The following GRIA3 variants were observed in gnomAD, a reference collection of about 807,000 sequenced individuals.
The protein encoded by GRIA3 is glutamate ionotropic receptor AMPA type subunit 3, also known as glutamate receptor 3.
GRIA3 carries 3 observed loss-of-function variants against 63.0 expected under a neutral mutation model. That is an observed-to-expected ratio of 0.05 (90% CI 0.02 to 0.12). GRIA3 has a LOEUF of 0.12. Ranked by LOEUF, GRIA3 falls within the 10% of genes least tolerant of loss-of-function variation. The probability of loss-of-function intolerance (pLI) is 1.00; values close to 1 mark genes in which losing one functional copy is unlikely to be tolerated. For missense variants in GRIA3, 347 were observed against 700.9 expected (o/e 0.50, Z 5.70); for synonymous variants, 274 against 257.9 (o/e 1.06, Z -0.60).
chrX:123,187,691 A>C (rs1927316968), intron 2 of GRIA3, among the ~76,000 whole-genome samples: 1 of 112,085 alleles, frequency 8.9e-6, no homozygotes, highest in South Asian at 3.8e-4. Flanking sequence ...TTCACTGATG[A>C]GAACTGGGAT....
At chrX:123,375,337 C>T (rs2045277348) in intron 5 of GRIA3, among the ~76,000 whole-genome samples, 1 of 111,904 alleles carries the variant, frequency 8.9e-6, no homozygotes, top group South Asian at 3.7e-4. Flanking sequence ...ATTCAGTTTG[C>T]TGGTATTATG....
intron 3 of GRIA3, among the ~76,000 whole-genome samples, chrX:123,299,369 G>A (rs763384106): frequency 4.5e-5 from 5 of 111,610 alleles, no homozygotes; most frequent in Non-Finnish European, 7.5e-5. Flanking sequence ...AGTATGGAAT[G>A]TTTTTCCATT....
intron 4 of GRIA3, among the ~76,000 whole-genome samples, chrX:123,347,551 G>A (rs745962540): frequency 1.3e-4 from 14 of 111,934 alleles, no homozygotes; most frequent in African/African-American, 4.5e-4. Context: ...CATAGACGAG[G>A]CATACCTAGG....
intron 2 of GRIA3, among the ~76,000 whole-genome samples, chrX:123,236,358 T>C (rs954052562): frequency 3.6e-5 from 4 of 111,667 alleles, no homozygotes; most frequent in Admixed American, 2.9e-4. Flanking sequence ...CTAGGCCCCA[T>C]ACTGAAGATT....
intron 7 of GRIA3, among the ~76,000 whole-genome samples, chrX:123,399,174 A>G (rs759548797): frequency 8.9e-6 from 1 of 111,932 alleles, no homozygotes; most frequent in Non-Finnish European, 1.9e-5. Context: ...AGATTAGAAT[A>G]TTTTATAAGA....
chrX:123,198,288 C>G (rs1927627361), intron 2 of GRIA3, among the ~76,000 whole-genome samples: 1 of 111,827 alleles, frequency 8.9e-6, no homozygotes, highest in Admixed American at 9.5e-5. Context: ...GCCATATGAC[C>G]GTGAGCAAAT....
At position 123,452,795 on chromosome X, in the gene GRIA3, A is replaced by G. The variant is rs144613218; in HGVS notation, c.2077-12070A>G. Among the ~76,000 whole-genome samples, 28 of 112,239 alleles carry G rather than the reference A, an allele frequency of 2.5e-4. No homozygotes were observed. In the East Asian group the frequency reaches 7.6e-3, roughly 30 times the overall value. On this transcript the variant is annotated intron_variant, in intron 12 of 15. Transcript: ENST00000620443. ...TGACCTTGGAGTGTTCAATAGTGATAGCAGTCCTAGAAGCAATCCTTGATT... is the reference window on the plus strand; with the variant it reads ...TGACCTTGGAGTGTTCAATAGTGATGGCAGTCCTAGAAGCAATCCTTGATT...
rs140199073 is a variant in GRIA3, at chrX:123,448,331, A to G, written c.2077-16534A>G. ...AGGCTGGGGGAGCTATTCCAGAGCTACATACTAGCTCTGAATAGAGCAGAA... is the reference window on the plus strand; with the variant it reads ...AGGCTGGGGGAGCTATTCCAGAGCTGCATACTAGCTCTGAATAGAGCAGAA... On this transcript the variant is annotated intron_variant, in intron 12 of 15. Transcript: ENST00000620443. Among the ~76,000 whole-genome samples, 476 of 112,006 alleles carry G rather than the reference A, an allele frequency of 4.2e-3. 1 individual carries two copies. Among genetic ancestry groups the G allele is most frequent in the African/African-American group, 0.015 (452 of 30,845 alleles).
intron 5 of GRIA3, among the ~76,000 whole-genome samples, chrX:123,383,361 T>C (rs2045335411): frequency 9.0e-6 from 1 of 111,441 alleles, no homozygotes; most frequent in African/African-American, 3.3e-5. Flanking sequence ...TACTCTGCTA[T>C]TGAACAAGAG....
chrX:123,192,148 C>T lies in GRIA3; in HGVS notation c.268+6158C>T, dbSNP rs763823012. Among the ~76,000 whole-genome samples the T allele has an allele frequency of 3.6e-5, 4 of 111,180 alleles. No homozygotes were observed. In the South Asian group the frequency reaches 1.6e-3, roughly 43 times the overall value. On this transcript the variant is annotated intron_variant, in intron 2 of 15. Coordinates refer to ENST00000620443, the MANE Select transcript of GRIA3 (RefSeq NM_007325.5). ...TTCATGTTGAATCTAAAAGCCTTTGCGGGTAATTTGGGAAGCTGCAGGTTC... is the reference window on the plus strand; with the variant it reads ...TTCATGTTGAATCTAAAAGCCTTTGTGGGTAATTTGGGAAGCTGCAGGTTC...
At chrX:123,331,274 C>T (rs1179708899) in intron 4 of GRIA3, among the ~76,000 whole-genome samples, 1 of 112,034 alleles carries the variant, frequency 8.9e-6, no homozygotes, top group African/African-American at 3.2e-5. Flanking sequence ...GGACAGATTC[C>T]TGAAGCAGGT....
chrX:123,439,201 T>A (rs2045660512), intron 12 of GRIA3, among the ~76,000 whole-genome samples: 1 of 112,235 alleles, frequency 8.9e-6, no homozygotes, highest in African/African-American at 3.2e-5. Flanking sequence ...TGCACTAGCA[T>A]GCAGGCAAAG....
chrX:123,295,284 G>A (rs2044678667), intron 3 of GRIA3, among the ~76,000 whole-genome samples: 1 of 111,669 alleles, frequency 9.0e-6, no homozygotes, highest in Non-Finnish European at 1.9e-5. Flanking sequence ...ATGACTAGAA[G>A]GATAGAAGAG....
At chrX:123,442,846 T>C (rs192668517) in intron 12 of GRIA3, among the ~76,000 whole-genome samples, 9 of 109,437 alleles carry the variant, frequency 8.2e-5, no homozygotes, top group African/African-American at 3.0e-4. Context: ...TTTTTTTTTT[T>C]TCCCTATGCA....
chrX:123,466,645 G>A lies in GRIA3; in HGVS notation c.2324+1533G>A, dbSNP rs143736484. On this transcript the variant is annotated intron_variant, in intron 13 of 15. Coordinates refer to ENST00000620443, the MANE Select transcript of GRIA3 (RefSeq NM_007325.5). ...AAATAGGGGCAAGCTCAGAAGCCGC[G>A]ATACAAAGTCATGGAAACACACTTC... 2.1e-3 allele frequency among the ~76,000 whole-genome samples: 230 copies of A among 112,102 alleles called. 1 individual carries two copies. Among genetic ancestry groups the A allele is most frequent in the African/African-American group, 7.2e-3 (221 of 30,885 alleles).
At chrX:123,420,294 T>C (rs2045557493) in intron 11 of GRIA3, among the ~76,000 whole-genome samples, 1 of 112,061 alleles carries the variant, frequency 8.9e-6, no homozygotes, top group South Asian at 3.7e-4. Context: ...AACTAATTGG[T>C]AACCATATTC....
At chrX:123,463,654 A>AG (rs2045812227) in intron 12 of GRIA3, among the ~76,000 whole-genome samples, 1 of 49,911 alleles carries the variant, frequency 2.0e-5, no homozygotes, top group Non-Finnish European at 3.2e-5. Context: ...GAAAGAAAGA[A>AG]AGAAAGAAAG....
intron 3 of GRIA3, among the ~76,000 whole-genome samples, chrX:123,267,198 C>T (rs896777565): frequency 8.9e-6 from 1 of 111,862 alleles, no homozygotes; most frequent in African/African-American, 3.3e-5. Context: ...ATTACAGGAA[C>T]ATTGAGGAGC....
At chrX:123,239,896 T>A (rs1490582117) in intron 2 of GRIA3, among the ~76,000 whole-genome samples, 12 of 112,199 alleles carry the variant, frequency 1.1e-4, no homozygotes, top group East Asian at 8.4e-4. Flanking sequence ...TTAACAGACA[T>A]GAGACACACA....
Sources: gnomAD v4.1 joint callset for allele counts (sites outside exome capture counted in the v4.1 genomes callset) on GRCh38, gnomAD v4.1.1 for gene constraint, MANE v1.5 for transcripts, NCBI Gene and HGNC (gene_info 2026-07-23, HGNC 2026-07-21) for gene names.